Variants in MMP26 observed in about 807,000 individuals in gnomAD.
The protein encoded by MMP26 is matrix metalloproteinase-26.
A neutral mutation model predicts 31.0 loss-of-function variants in MMP26; 33 were observed. The ratio of observed to expected loss-of-function variants is 1.06; its 90% CI spans 0.81 to 1.42. The LOEUF is 1.42. Ranked by LOEUF, MMP26 falls within the 40% of genes most tolerant of loss-of-function variation. MMP26 has a pLI of 0.00. For synonymous variants in MMP26, 122 were observed against 114.9 expected (o/e 1.06, Z -0.40); for missense variants, 347 against 316.1 (o/e 1.10, Z -0.74).
chr11:4,753,127 C>T (rs1848466880), intron 1 of MMP26, among the ~76,000 whole-genome samples: 1 of 151,944 alleles, frequency 6.6e-6, no homozygotes, highest in South Asian at 2.1e-4. Flanking sequence ...CCATCTGTAC[C>T]CGTGTAACCG....
chr11:4,718,864 G>T, intron 1 of MMP26: 1 of 168,204 alleles, frequency 5.9e-6, no homozygotes, highest in Admixed American at 6.4e-5. Context: ...CACCATTCTG[G>T]GTATATTCTG....
chr11:4,882,430 C>T, intron 2 of MMP26: 1 of 1,612,586 alleles, frequency 6.2e-7, no homozygotes, highest in African/African-American at 1.3e-5. Context: ...ACGAGCTTTC[C>T]CATCCATTTT....
At chr11:4,983,104 T>C (rs1846837760) in intron 2 of MMP26, among the ~76,000 whole-genome samples, 1 of 152,216 alleles carries the variant, frequency 6.6e-6, no homozygotes, top group Non-Finnish European at 1.5e-5. Context: ...ACCAGTAATA[T>C]GCCATTCTCT....
At chr11:4,820,572 C>T (rs1849481576) in intron 2 of MMP26, among the ~76,000 whole-genome samples, 1 of 151,518 alleles carries the variant, frequency 6.6e-6, no homozygotes, top group African/African-American at 2.4e-5. Flanking sequence ...TTGCACTTTC[C>T]TCCTCTTCCC....
chr11:4,924,211 C>A (rs142085997), intron 2 of MMP26: 1 of 1,614,092 alleles, frequency 6.2e-7, no homozygotes, highest in Non-Finnish European at 8.5e-7. Context: ...TGGTGAGGTT[C>A]CCCAAGATAA....
intron 1 of MMP26, among the ~76,000 whole-genome samples, chr11:4,751,672 G>T (rs964474491): frequency 6.6e-6 from 1 of 152,002 alleles, no homozygotes; most frequent in Non-Finnish European, 1.5e-5. Flanking sequence ...CATTTAGTTG[G>T]TGCATATGAA....
intron 1 of MMP26, among the ~76,000 whole-genome samples, chr11:4,744,003 G>GT (rs1848347873): frequency 6.6e-6 from 1 of 151,894 alleles, no homozygotes; most frequent in Non-Finnish European, 1.5e-5. Flanking sequence ...GAGATAATGT[G>GT]TTGCCCAGGC....
intron 1 of MMP26, among the ~76,000 whole-genome samples, chr11:4,758,941 G>A (rs1291275058): frequency 6.6e-6 from 1 of 151,500 alleles, no homozygotes; most frequent in Non-Finnish European, 1.5e-5. Flanking sequence ...GAGAAACCCC[G>A]TCTCTGCTAG....
intron 2 of MMP26, among the ~76,000 whole-genome samples, chr11:4,833,391 G>A (rs1214424667): frequency 6.6e-6 from 1 of 152,218 alleles, no homozygotes. Flanking sequence ...GTTAGGAAAA[G>A]TAGCCCTTAA....
At chr11:4,932,687 G>A (rs1198590039) in intron 2 of MMP26, among the ~76,000 whole-genome samples, 1 of 152,070 alleles carries the variant, frequency 6.6e-6, no homozygotes, top group Non-Finnish European at 1.5e-5. Context: ...AATTGTTGTT[G>A]TTTTGGATCA....
At chr11:4,922,961 T>C (rs1851205679) in intron 2 of MMP26, among the ~76,000 whole-genome samples, 1 of 152,126 alleles carries the variant, frequency 6.6e-6, no homozygotes. Flanking sequence ...AACATAAAAA[T>C]AAATAAATAA....
intron 2 of MMP26, among the ~76,000 whole-genome samples, chr11:4,964,079 T>G (rs1448247260): frequency 6.6e-6 from 1 of 152,192 alleles, no homozygotes; most frequent in Non-Finnish European, 1.5e-5. Flanking sequence ...ACTCTGTTGA[T>G]AGTTTCTTTT....
intron 2 of MMP26, among the ~76,000 whole-genome samples, chr11:4,965,867 C>A (rs1846586020): frequency 1.3e-5 from 2 of 152,202 alleles, no homozygotes; most frequent in African/African-American, 4.8e-5. Flanking sequence ...TTCACATCAA[C>A]ATTCCTCCTA....
At chr11:4,756,652 G>A (rs1006673152) in intron 1 of MMP26, 1 of 152,160 alleles carries the variant, frequency 6.6e-6, no homozygotes, top group Non-Finnish European at 1.5e-5. Context: ...GAGATTGCAC[G>A]TTGTTGGAGC....
At position 4,723,934 on chromosome 11, in the gene MMP26, A is replaced by C. The variant is rs572950629; in HGVS notation, c.-217+18889A>C. On this transcript the variant is annotated intron_variant, in intron 1 of 7. Coordinates refer to ENST00000380390, the MANE Select transcript of MMP26 (RefSeq NM_021801.5). ...GCGCATGGCCTGGATGTTGGGATCT[A>C]CCTCCAGGTTAAGGGGACTCAGCAG... 5 of 860,094 alleles carry C rather than the reference A, an allele frequency of 5.8e-6. No individual in the cohort carries two copies. In the East Asian group the frequency reaches 1.2e-4, roughly 21 times the overall value. The allele number at this position is 860,094 out of a possible 1,614,324, so 53.3% of individuals were successfully genotyped here. A position where few individuals can be genotyped will look rare whatever the true frequency, so the allele number is the denominator to read the frequency against.
Position 4,882,168 on chromosome 11 carries a change from A to G in MMP26, c.-144-105900A>G, listed in dbSNP as rs921527613. 10 of 1,613,772 alleles carry G rather than the reference A, an allele frequency of 6.2e-6. No individual in the cohort carries two copies. In the Admixed American group the frequency reaches 6.7e-5, roughly 11 times the overall value. ...ACTGTGCTTGGTGTTCTCTGGTTTC[A>G]TGCCCGGGAGATCAGCTTTAAAGCT... On this transcript the variant is annotated intron_variant, in intron 2 of 7. Coordinates refer to ENST00000380390, the MANE Select transcript of MMP26 (RefSeq NM_021801.5).
chr11:4,910,963 C>A (rs1173992562), intron 2 of MMP26, among the ~76,000 whole-genome samples: 2 of 152,164 alleles, frequency 1.3e-5, no homozygotes, highest in African/African-American at 2.4e-5. Context: ...TTCCTTTCCT[C>A]CTGCTACAAT....
intron 2 of MMP26, among the ~76,000 whole-genome samples, chr11:4,892,117 A>G (rs1223831684): frequency 6.6e-6 from 1 of 152,140 alleles, no homozygotes; most frequent in East Asian, 1.9e-4. Context: ...CTTGACAGTT[A>G]GGAACAAAAC....
chr11:4,790,645 G>A (rs952821837), intron 2 of MMP26, among the ~76,000 whole-genome samples: 1 of 152,142 alleles, frequency 6.6e-6, no homozygotes, highest in African/African-American at 2.4e-5. Flanking sequence ...TAGTAGGAAA[G>A]GGCCCAGGTA....
Sources: allele counts gnomAD v4.1 joint callset (sites outside exome capture counted in the v4.1 genomes callset), GRCh38; gene constraint gnomAD v4.1.1; transcripts MANE v1.5; gene names NCBI Gene and HGNC (gene_info 2026-07-23, HGNC 2026-07-21).